The following PLCE1 variants were observed in gnomAD, a reference collection of about 807,000 sequenced individuals.
The protein encoded by PLCE1 is phospholipase C epsilon 1.
A neutral mutation model predicts 242.8 loss-of-function variants in PLCE1; 119 were observed. That is an observed-to-expected ratio of 0.49 (90% confidence interval 0.42 to 0.57). The LOEUF (loss-of-function observed/expected upper bound fraction) is 0.57, where lower values mean the gene tolerates loss of function less well. Ranked by LOEUF, PLCE1 falls within the 20% of genes least tolerant of loss-of-function variation. The pLI, the probability that PLCE1 is intolerant of heterozygous loss-of-function variation, is 0.00. For missense variants in PLCE1, 2,441 were observed against 2,788.8 expected (o/e 0.88, Z 2.81); for synonymous variants, 945 against 1,017.4 (o/e 0.93, Z 1.35).
intron 11 of PLCE1, among the ~76,000 whole-genome samples, chr10:94,257,679 C>T (rs1332613414): frequency 6.6e-6 from 1 of 152,096 alleles, no homozygotes; most frequent in Non-Finnish European, 1.5e-5. Context: ...GGACAGAAAA[C>T]CAAACACCGC....
rs36054579 is a variant in PLCE1 at position 94,331,869 on chromosome 10, CTT to C, written c.*3945_*3946del. 32,681 of 119,174 alleles carry C rather than the reference CTT, an allele frequency of 0.27. 3,374 individuals carry two copies. Among genetic ancestry groups the C allele is most frequent in the Middle Eastern group, 0.42 (94 of 226 alleles). 7.4% of individuals were successfully genotyped at this position (119,174 alleles called of 1,614,324 possible). ...GAGTCTCTATGATTACCAAGTTATT[CTT>C]TTTTTTTTTTTTTTTTTTGAGGCAA... On this transcript the variant is annotated 3_prime_UTR_variant, in exon 33 of 33. Coordinates refer to ENST00000371380, the MANE Select transcript of PLCE1 (RefSeq NM_016341.4).
intron 2 of PLCE1, among the ~76,000 whole-genome samples, chr10:94,128,301 A>G (rs2046494891): frequency 6.6e-6 from 1 of 152,086 alleles, no homozygotes; most frequent in African/African-American, 2.4e-5. Context: ...CTTGATTTTG[A>G]CAGGTTCCCT....
At chr10:94,018,544 A>G (rs1227310835) in intron 1 of PLCE1, among the ~76,000 whole-genome samples, 1 of 152,192 alleles carries the variant, frequency 6.6e-6, no homozygotes, top group Non-Finnish European at 1.5e-5. Context: ...TTCTCTGGAA[A>G]GTCTTCACTG....
intron 2 of PLCE1, among the ~76,000 whole-genome samples, chr10:94,046,239 G>A (rs1337794506): frequency 1.3e-5 from 2 of 152,288 alleles, no homozygotes; most frequent in Non-Finnish European, 1.5e-5. Flanking sequence ...TAATGAGTGT[G>A]AGTGCTTCAA....
intron 1 of PLCE1, among the ~76,000 whole-genome samples, chr10:94,008,370 A>T (rs1247890054): frequency 5.3e-5 from 8 of 152,064 alleles, no homozygotes; most frequent in Admixed American, 5.2e-4. Flanking sequence ...GTGCAGTGGC[A>T]TGATCTCAGC....
intron 2 of PLCE1, among the ~76,000 whole-genome samples, chr10:94,050,323 G>A (rs2043728198): frequency 6.6e-6 from 1 of 152,062 alleles, no homozygotes; most frequent in Non-Finnish European, 1.5e-5. Context: ...CATGTGAAGG[G>A]GGAACTGTCA....
chr10:94,227,101 T>C (rs750166100), intron 4 of PLCE1: 1 of 533,298 alleles, frequency 1.9e-6, no homozygotes, highest in Non-Finnish European at 3.4e-6. Flanking sequence ...GGTCTCAAAC[T>C]CCTGACCTCA....
intron 1 of PLCE1, among the ~76,000 whole-genome samples, chr10:94,009,191 G>A (rs894155333): frequency 3.7e-4 from 56 of 152,284 alleles, no homozygotes; most frequent in African/African-American, 1.3e-3. Context: ...CAATTATGGT[G>A]GAAGGCAAGA....
At position 94,258,825 on chromosome 10, in the gene PLCE1, G is replaced by C; in HGVS notation, c.3580G>C (p.Gly1194Arg). 6.2e-7 allele frequency: 1 copy of C among 1,614,074 alleles called. No individual in the cohort carries two copies. Among genetic ancestry groups the C allele is most frequent in the Non-Finnish European group, 8.5e-7 (1 of 1,179,968 alleles). Residue 1194 changes from glycine to arginine, a missense_variant, in exon 12 of 33, where the codon GGG becomes CGG. Around this residue, in one of 5 missense-constraint regions of PLCE1, gnomAD observed 1,004 missense variants for 1,322.7 expected, o/e 0.76. Transcript: ENST00000371380. Reference protein sequence around the residue: ...SSAWSSSSWHGRIKGGMKGFQ... With the variant: ...SSAWSSSSWHRRIKGGMKGFQ... ...TGCTTGGAGCAGTAGTAGCTGGCAC[G>C]GGCGGATCAAAGGCGGCATGAAGGG... is the stretch of plus-strand genomic sequence containing the variant.
chr10:94,087,983 G>C (rs534436829), intron 2 of PLCE1, among the ~76,000 whole-genome samples: 104 of 152,348 alleles, frequency 6.8e-4, no homozygotes, highest in African/African-American at 2.5e-3. Context: ...CACAGCACAT[G>C]CTTTGCACAC....
intron 26 of PLCE1, among the ~76,000 whole-genome samples, chr10:94,307,983 T>C (rs2053262499): frequency 6.6e-6 from 1 of 152,354 alleles, no homozygotes; most frequent in Middle Eastern, 3.4e-3. Context: ...CAGGCTTTGT[T>C]TCTCTCCCCA....
chr10:94,314,560 C>G (rs1014072621), intron 28 of PLCE1, among the ~76,000 whole-genome samples: 1 of 152,066 alleles, frequency 6.6e-6, no homozygotes. Flanking sequence ...CACCATGGCA[C>G]TCCAGCCTGG....
intron 1 of PLCE1, among the ~76,000 whole-genome samples, chr10:94,017,090 C>T (rs2061296605): frequency 6.6e-6 from 1 of 152,138 alleles, no homozygotes; most frequent in South Asian, 2.1e-4. Context: ...CCTTGACCTT[C>T]CTGGGTAGCC....
intron 2 of PLCE1, among the ~76,000 whole-genome samples, chr10:94,099,363 ACATTACCT>A (rs2045433522): frequency 1.3e-5 from 2 of 152,202 alleles, no homozygotes; most frequent in African/African-American, 4.8e-5. Flanking sequence ...TACTTCATAC[ACATTACCT>A]CATTTTAGGC....
At chr10:94,255,517 G>A (rs567126093) in intron 11 of PLCE1, among the ~76,000 whole-genome samples, 2 of 152,270 alleles carry the variant, frequency 1.3e-5, no homozygotes, top group East Asian at 1.9e-4. Context: ...TGCTCTAAAC[G>A]AAGAAGAGAG....
chr10:94,059,941 G>A (rs1194544355), intron 2 of PLCE1, among the ~76,000 whole-genome samples: 1 of 152,268 alleles, frequency 6.6e-6, no homozygotes, highest in African/African-American at 2.4e-5. Flanking sequence ...TTTGAAGAAG[G>A]TACCTGGGTT....
chr10:94,233,555 T>A (rs991259992), intron 5 of PLCE1, among the ~76,000 whole-genome samples: 2 of 152,238 alleles, frequency 1.3e-5, no homozygotes, highest in African/African-American at 4.8e-5. Flanking sequence ...TGTGTTTGTA[T>A]CTGTCCTATT....
chr10:94,174,142 T>C (rs746710251), intron 4 of PLCE1, among the ~76,000 whole-genome samples: 7 of 152,230 alleles, frequency 4.6e-5, no homozygotes, highest in Non-Finnish European at 7.3e-5. Context: ...TCAGTTCTTA[T>C]GACAGTTGTC....
At chr10:94,156,427 C>T (rs2047435408) in intron 3 of PLCE1, among the ~76,000 whole-genome samples, 2 of 152,126 alleles carry the variant, frequency 1.3e-5, no homozygotes, top group African/African-American at 4.8e-5. Flanking sequence ...CTAATGGGCT[C>T]ACAGAACTCA....
Sources: allele counts gnomAD v4.1 joint callset (sites outside exome capture counted in the v4.1 genomes callset), GRCh38; gene constraint gnomAD v4.1.1; regional missense constraint gnomAD v4.1.1; transcripts MANE v1.5; gene names NCBI Gene and HGNC (gene_info 2026-07-23, HGNC 2026-07-21).